The following RABEP1 variants were observed in gnomAD, a reference collection of about 807,000 sequenced individuals.
RABEP1 encodes rabaptin, RAB GTPase binding effector protein 1, also known as rab GTPase-binding effector protein 1.
Under a neutral mutation model 123.4 loss-of-function variants are expected in RABEP1, and 51 were observed. The observed-to-expected ratio is 0.41, with a 90% CI of 0.33 to 0.52. The LOEUF is 0.52. Ranked by LOEUF, RABEP1 falls within the 20% of genes least tolerant of loss-of-function variation. The pLI, the probability that RABEP1 is intolerant of heterozygous loss-of-function variation, is 0.16. For missense variants in RABEP1, 888 were observed against 996.3 expected (o/e 0.89, Z 1.46); for synonymous variants, 347 against 355.2 (o/e 0.98, Z 0.26).
At position 5,380,378 on chromosome 17, in the gene RABEP1, A is replaced by G. The variant is rs199504288; in HGVS notation, c.2286A>G (p.Leu762=). The G allele has an allele frequency of 1.3e-4, 203 of 1,568,020 alleles. No homozygotes were observed. The East Asian group carries it at 4.2e-3, about 32-fold the overall frequency. The stretch of plus-strand genomic sequence containing the variant: ...CTTTTTCACAGTTGGAGTCCACATT[A>G]AGAGAGAAGTCTCAACAGCTTGAGA... ...KVEKGQLEST[L]REKSQQLESL... Residue 762 remains leucine (L), a synonymous_variant, in exon 16 of 18, where the codon TTA becomes TTG. Coordinates refer to ENST00000537505, the MANE Select transcript of RABEP1 (RefSeq NM_004703.6).
At chr17:5,343,962 C>A (rs1907847857) in intron 5 of RABEP1, among the ~76,000 whole-genome samples, 1 of 152,012 alleles carries the variant, frequency 6.6e-6, no homozygotes, top group Non-Finnish European at 1.5e-5. Flanking sequence ...AGGCATGAGT[C>A]ACTGTGCCTG....
At chr17:5,378,454 G>C in intron 15 of RABEP1, 1 of 627,054 alleles carries the variant, frequency 1.6e-6, no homozygotes, top group Non-Finnish European at 2.9e-6. Context: ...AGGCTAAGAT[G>C]TGACTGTGGC....
At chr17:5,372,529 C>T (rs940258420) in intron 12 of RABEP1, among the ~76,000 whole-genome samples, 4 of 152,186 alleles carry the variant, frequency 2.6e-5, no homozygotes, top group African/African-American at 9.7e-5. Context: ...AGTATCTGGG[C>T]CTGCTGGGCC....
chr17:5,316,859 T>C (rs890092146), intron 2 of RABEP1, among the ~76,000 whole-genome samples: 3 of 132,974 alleles, frequency 2.3e-5, no homozygotes, highest in African/African-American at 5.8e-5. Context: ...AAAAAAAATA[T>C]AAGAAACAAT....
At position 5,354,393 on chromosome 17, in the gene RABEP1, A is replaced by C. The variant is rs368428117; in HGVS notation, c.998A>C (p.Lys333Thr). ...DDEQQRLNKR[K>T]DHKKADVEEE... ...GAACAACAAAGACTCAATAAGAGAAAGGATCACAAAAAAGCAGATGTTGAG... is the reference window on the plus strand; with the variant it reads ...GAACAACAAAGACTCAATAAGAGAACGGATCACAAAAAAGCAGATGTTGAG... Residue 333 changes from lysine to threonine, a missense_variant, in exon 8 of 18, where the codon AAG becomes ACG. Lys to Thr is a moderately conservative substitution (Grantham distance 78). Transcript: ENST00000537505. 68 of 1,613,112 alleles carry C rather than the reference A, an allele frequency of 4.2e-5. No homozygotes were observed. The African/African-American group carries it at 6.3e-4, about 15-fold the overall frequency.
At position 5,354,444 on chromosome 17, in the gene RABEP1, G is replaced by A. The variant is rs774318445; in HGVS notation, c.1049G>A (p.Cys350Tyr). ...VEEEIKIPVV[C>Y]ALTQEESSAQ... is the part of the protein sequence containing the mutation. ...GAAGAAATAAAAATACCAGTAGTGT[G>A]TGCTTTAACTCAAGAAGAATCTTCA... Residue 350 changes from cysteine to tyrosine, a missense_variant, in exon 8 of 18, where the codon TGT (cysteine) becomes TAT (tyrosine). Cys to Tyr is a radical substitution (Grantham distance 194). Transcript: ENST00000537505. 1.2e-6 allele frequency: 2 copies of A among 1,613,030 alleles called. No individual in the cohort carries two copies. The highest frequency in any genetic ancestry group is 1.3e-5 in the African/African-American group (1 of 75,004).
Position 5,384,823 on chromosome 17 carries a change from CAT to C in RABEP1, c.*1604_*1605del, listed in dbSNP as rs1309295705. 4.6e-5 allele frequency: 10 copies of C among 216,880 alleles called. No homozygotes were observed. Among genetic ancestry groups the C allele is most frequent in the Non-Finnish European group, 7.4e-5 (8 of 108,244 alleles). 13.4% of individuals were successfully genotyped at this position (216,880 alleles called of 1,614,324 possible). A position where few individuals can be genotyped will look rare whatever the true frequency, so the allele number is the denominator to read the frequency against. On this transcript the variant is annotated 3_prime_UTR_variant, in exon 18 of 18. Transcript: ENST00000537505. ...TGCTACATGGTTTAGATAAAGGAAA[CAT>C]ATAACTATTGAGTTACAGGGGATTT...
intron 1 of RABEP1, 42 bp downstream of exon 1, chr17:5,282,562 C>T (rs1338453498): frequency 2.3e-5 from 26 of 1,136,324 alleles, no homozygotes; most frequent in Non-Finnish European, 2.7e-5. Flanking sequence ...CGCGGCCTGC[C>T]CGGCGTCGGC....
At chr17:5,318,661 C>CTA (rs2075321774) in intron 2 of RABEP1, among the ~76,000 whole-genome samples, 1 of 152,166 alleles carries the variant, frequency 6.6e-6, no homozygotes, top group Non-Finnish European at 1.5e-5. Flanking sequence ...TCTCTATTCT[C>CTA]TATAATCTTT....
chr17:5,323,856 A>G (rs934681192), intron 2 of RABEP1, among the ~76,000 whole-genome samples: 2 of 140,482 alleles, frequency 1.4e-5, no homozygotes, highest in Non-Finnish European at 3.0e-5. Context: ...ATATATATCT[A>G]GGAATATATA....
At chr17:5,301,571 C>A (rs934668653) in intron 1 of RABEP1, among the ~76,000 whole-genome samples, 6 of 152,122 alleles carry the variant, frequency 3.9e-5, no homozygotes, top group Non-Finnish European at 5.9e-5. Flanking sequence ...GTACTGCTTT[C>A]TTCATTGAAA....
At chr17:5,319,848 GAAT>G (rs2075336216) in intron 2 of RABEP1, among the ~76,000 whole-genome samples, 2 of 152,038 alleles carry the variant, frequency 1.3e-5, no homozygotes, top group Admixed American at 6.6e-5. Context: ...GGACAAAAAA[GAAT>G]AAAAAGCAGT....
chr17:5,367,243 G>GAT (rs1555525062), intron 11 of RABEP1, among the ~76,000 whole-genome samples: 49 of 123,168 alleles, frequency 4.0e-4, no homozygotes, highest in Admixed American at 1.7e-3. Flanking sequence ...CTAGAACTTA[G>GAT]ATACACACAC....
In RABEP1 at chr17:5,373,951, G is replaced by A. The variant is rs562473264; in HGVS notation, c.2025+497G>A. ...TTATTTTTGTCGGCCCAGATTGAGAGTGTGCCAGAAATTAAATGTTTGAAG... is the reference window on the plus strand; with the variant it reads ...TTATTTTTGTCGGCCCAGATTGAGAATGTGCCAGAAATTAAATGTTTGAAG... On this transcript the variant is annotated intron_variant, in intron 13 of 17. Coordinates refer to ENST00000537505, the MANE Select transcript of RABEP1 (RefSeq NM_004703.6). 2.0e-5 allele frequency among the ~76,000 whole-genome samples: 3 copies of A among 152,150 alleles called. No individual in the cohort carries two copies. In the East Asian group the frequency reaches 5.8e-4, roughly 29 times the overall value.
chr17:5,384,846 G>T lies in RABEP1; in HGVS notation c.*1623G>T. The T allele has an allele frequency of 4.6e-6, 1 of 218,398 alleles. No individual in the cohort carries two copies. Among genetic ancestry groups the T allele is most frequent in the Non-Finnish European group, 9.2e-6 (1 of 109,068 alleles). 13.5% of individuals were successfully genotyped at this position (218,398 alleles called of 1,614,324 possible). A position where few individuals can be genotyped will look rare whatever the true frequency, so the allele number is the denominator to read the frequency against. ...AACATATAACTATTGAGTTACAGGG[G>T]ATTTTATTAATTATAAAATGCAATC... On this transcript the variant is annotated 3_prime_UTR_variant, in exon 18 of 18. Transcript: ENST00000537505.
chr17:5,326,615 T>A (rs765970550), intron 2 of RABEP1, among the ~76,000 whole-genome samples: 2 of 152,082 alleles, frequency 1.3e-5, no homozygotes, highest in Non-Finnish European at 1.5e-5. Context: ...CATTTAAGAG[T>A]GAACCCTAGT....
rs745318663 is a variant in RABEP1, at chr17:5,386,239, T to G, written c.*3016T>G. The G allele has an allele frequency of 6.2e-7, 1 of 1,613,344 alleles. No homozygotes were observed. The highest frequency in any genetic ancestry group is 1.3e-5 in the African/African-American group (1 of 74,920). On this transcript the variant is annotated 3_prime_UTR_variant, in exon 18 of 18. Coordinates refer to ENST00000537505, the MANE Select transcript of RABEP1 (RefSeq NM_004703.6). ...TTACATGATTGCGGATATCATTGATTTGCTTCACCATTTCCCTTATATGTT... is the reference window on the plus strand; with the variant it reads ...TTACATGATTGCGGATATCATTGATGTGCTTCACCATTTCCCTTATATGTT...
In RABEP1 at chr17:5,282,379, C is replaced by T. The variant is rs1299374560; in HGVS notation, c.-108C>T. ...CCAGCCTTAGCGGTTTCTCTCTGGG[C>T]GGCGGCGGCGGCGGCTCGGTTGACG... is the stretch of plus-strand genomic sequence containing the variant. On this transcript the variant is annotated 5_prime_UTR_variant, in exon 1 of 18. Coordinates refer to ENST00000537505, the MANE Select transcript of RABEP1 (RefSeq NM_004703.6). 2.5e-6 allele frequency: 2 copies of T among 810,456 alleles called. No individual in the cohort carries two copies. Among genetic ancestry groups the T allele is most frequent in the Non-Finnish European group, 3.4e-6 (2 of 591,284 alleles). The allele number at this position is 810,456 out of a possible 1,614,324, so 50.2% of individuals were successfully genotyped here.
At chr17:5,337,859 G>A (rs1907238027) in intron 4 of RABEP1, among the ~76,000 whole-genome samples, 160 bp from the exon 5 acceptor site, 1 of 152,114 alleles carries the variant, frequency 6.6e-6, no homozygotes, top group African/African-American at 2.4e-5. Flanking sequence ...TCAAAGTAAT[G>A]CACTATTTGA....
Sources: gnomAD v4.1 joint callset for allele counts (sites outside exome capture counted in the v4.1 genomes callset) on GRCh38, gnomAD v4.1.1 for gene constraint, MANE v1.5 for transcripts, NCBI Gene and HGNC (gene_info 2026-07-23, HGNC 2026-07-21) for gene names.